Variants in LPP observed in about 807,000 individuals in gnomAD.
LPP encodes lipoma-preferred partner.
LPP carries 38 observed loss-of-function variants against 60.4 expected under a neutral mutation model. The observed-to-expected ratio is 0.63, with a 90% CI of 0.49 to 0.83. The LOEUF (loss-of-function observed/expected upper bound fraction) is 0.83. Ranked by LOEUF, LPP falls within the 40% of genes least tolerant of loss-of-function variation. The pLI is 0.00. For synonymous variants in LPP, 328 were observed against 290.8 expected (o/e 1.13, Z -1.30); for missense variants, 902 against 783.6 (o/e 1.15, Z -1.80).
At chr3:188,604,779 G>A (rs1365401199) in intron 6 of LPP, among the ~76,000 whole-genome samples, 1 of 152,092 alleles carries the variant, frequency 6.6e-6, no homozygotes, top group Non-Finnish European at 1.5e-5. Context: ...AAGCAGCAGG[G>A]AATAAAAAGG....
intron 6 of LPP, among the ~76,000 whole-genome samples, chr3:188,578,663 G>A (rs566002032): frequency 1.5e-3 from 233 of 151,646 alleles, no homozygotes; most frequent in Middle Eastern, 0.01. Flanking sequence ...TTCAACTAAG[G>A]AGACCACATT....
chr3:188,534,827 T>C lies in LPP; in HGVS notation c.429+10040T>C, dbSNP rs116637380. On this transcript the variant is annotated intron_variant, in intron 6 of 11. Coordinates refer to ENST00000617246, the MANE Select transcript of LPP (RefSeq NM_001375462.1). ...GGTGGTTAATAACTCATCCTACATA[T>C]CACAATTTTTCATGGTGAGTAACTG... is the stretch of plus-strand genomic sequence containing the variant. 2.5e-3 allele frequency among the ~76,000 whole-genome samples: 386 copies of C among 152,296 alleles called. 4 individuals carry two copies. The highest frequency in any genetic ancestry group is 8.9e-3 in the African/African-American group (370 of 41,560).
At chr3:188,476,048 A>G (rs1803120317) in intron 4 of LPP, among the ~76,000 whole-genome samples, 1 of 152,102 alleles carries the variant, frequency 6.6e-6, no homozygotes, top group Admixed American at 6.5e-5. Flanking sequence ...TTTTCTTTAA[A>G]ATTGCAACTC....
intron 8 of LPP, among the ~76,000 whole-genome samples, chr3:188,744,622 GA>G (rs1725530951): frequency 6.6e-6 from 1 of 152,078 alleles, no homozygotes; most frequent in Non-Finnish European, 1.5e-5. Flanking sequence ...GGTGGCATAG[GA>G]AAAGGTCAAA....
intron 8 of LPP, among the ~76,000 whole-genome samples, chr3:188,736,286 G>C (rs767311742): frequency 1.3e-5 from 2 of 151,910 alleles, no homozygotes; most frequent in Non-Finnish European, 2.9e-5. Flanking sequence ...GAAAAAATAT[G>C]TAAGAATAAT....
intron 8 of LPP, among the ~76,000 whole-genome samples, chr3:188,727,022 A>G (rs1028156608): frequency 4.6e-5 from 7 of 152,162 alleles, no homozygotes; most frequent in African/African-American, 1.4e-4. Context: ...CGAGCAAGGA[A>G]GTCAGTTATT....
chr3:188,533,954 C>T (rs553142798), intron 6 of LPP, among the ~76,000 whole-genome samples: 3 of 152,122 alleles, frequency 2.0e-5, no homozygotes, highest in Admixed American at 6.5e-5. Flanking sequence ...GCATAATCAA[C>T]GTTAGCTTTA....
intron 6 of LPP, among the ~76,000 whole-genome samples, chr3:188,570,798 G>A (rs925141434): frequency 6.6e-6 from 1 of 151,698 alleles, no homozygotes; most frequent in Non-Finnish European, 1.5e-5. Context: ...TGTATGGTGG[G>A]TGAAAGCCCG....
rs557035973 is a variant in LPP at position 188,610,940 on chromosome 3, AT to A, written c.1113+1098del. Among the ~76,000 whole-genome samples the A allele has an allele frequency of 2.0e-5, 3 of 152,328 alleles. No individual in the cohort carries two copies. Among genetic ancestry groups the A allele is most frequent in the Non-Finnish European group, 4.4e-5 (3 of 68,038 alleles). On this transcript the variant is annotated intron_variant, in intron 7 of 11. Transcript: ENST00000617246. The surrounding 1 kb of genome is among the most constrained non-coding windows in gnomAD (Gnocchi z 4.4). The stretch of plus-strand genomic sequence containing the variant: ...GTTCAATGGTAGTTTTGGGGGATGG[AT>A]TGGGTAGAAGTTTGGACTGTATTTT...
intron 5 of LPP, among the ~76,000 whole-genome samples, chr3:188,509,420 A>C (rs1814542890): frequency 6.6e-6 from 1 of 152,048 alleles, no homozygotes; most frequent in Non-Finnish European, 1.5e-5. Flanking sequence ...TTCTATCTTA[A>C]CCTGGTTAGG....
chr3:188,357,057 G>A (rs980372080), intron 3 of LPP, among the ~76,000 whole-genome samples: 1 of 152,128 alleles, frequency 6.6e-6, no homozygotes, highest in Non-Finnish European at 1.5e-5. Context: ...CCACCACCAT[G>A]GTTCTCTTCG....
At position 188,380,719 on chromosome 3, in the gene LPP, T is replaced by C. The variant is rs139019342; in HGVS notation, c.-9-25393T>C. On this transcript the variant is annotated intron_variant, in intron 3 of 11. Coordinates refer to ENST00000617246, the MANE Select transcript of LPP (RefSeq NM_001375462.1). Reference sequence around the variant, plus strand: ...CCTCCTGAAATTGTTTGCAAAATTATCTTTAATTGTGTGGAGGTGTATTTT... The same window carrying C: ...CCTCCTGAAATTGTTTGCAAAATTACCTTTAATTGTGTGGAGGTGTATTTT... 4.0e-3 allele frequency among the ~76,000 whole-genome samples: 609 copies of C among 152,352 alleles called. 10 individuals carry two copies. Among genetic ancestry groups the C allele is most frequent in the African/African-American group, 0.014 (594 of 41,584 alleles).
chr3:188,753,584 T>TGTGTGC (rs2150352972), intron 8 of LPP, among the ~76,000 whole-genome samples: 1 of 131,716 alleles, frequency 7.6e-6, no homozygotes, highest in African/African-American at 2.8e-5. Context: ...TGTGTGCGTG[T>TGTGTGC]GTGTGTGTGT....
chr3:188,722,883 C>A (rs62291270), intron 8 of LPP, among the ~76,000 whole-genome samples: 9,424 of 152,206 alleles, frequency 0.062, 331 homozygotes, highest in Non-Finnish European at 0.086. Flanking sequence ...TGATTTGTGT[C>A]ATTTATGATT....
At chr3:188,804,446 G>C (rs185159531) in intron 9 of LPP, among the ~76,000 whole-genome samples, 6 of 150,942 alleles carry the variant, frequency 4.0e-5, no homozygotes, top group Admixed American at 4.0e-4. Flanking sequence ...GAAACATATG[G>C]ACATACAGAA....
chr3:188,217,890 C>T lies in LPP; in HGVS notation c.-189-7515C>T, dbSNP rs972825703. 1.5e-4 allele frequency among the ~76,000 whole-genome samples: 23 copies of T among 152,196 alleles called. No individual in the cohort carries two copies. Among genetic ancestry groups the T allele is most frequent in the African/African-American group, 3.4e-4 (14 of 41,444 alleles). On this transcript the variant is annotated intron_variant, in intron 1 of 11. Coordinates refer to ENST00000617246, the MANE Select transcript of LPP (RefSeq NM_001375462.1). The surrounding 1 kb of genome is among the most constrained non-coding windows in gnomAD (Gnocchi z 4.0). ...GCTTCCCAGCTGAGAGCTGTTGGAA[C>T]GCCCCAAAATAAGCCCTGCAGAACG...
chr3:188,708,977 C>A (rs1368473358), intron 8 of LPP: 2 of 152,116 alleles, frequency 1.3e-5, no homozygotes, highest in African/African-American at 4.8e-5. Context: ...GTGTATGTTC[C>A]CATTTCTCAC....
At chr3:188,511,448 G>T (rs1341460102) in intron 5 of LPP, among the ~76,000 whole-genome samples, 3 of 151,894 alleles carry the variant, frequency 2.0e-5, no homozygotes, top group East Asian at 3.9e-4. Context: ...GCAAAAAAGG[G>T]TATTAGAGCT....
intron 2 of LPP, among the ~76,000 whole-genome samples, chr3:188,234,651 C>T (rs749939675): frequency 9.2e-5 from 14 of 152,272 alleles, no homozygotes; most frequent in East Asian, 1.9e-4. Flanking sequence ...CATTCATACA[C>T]GTAGGCTGGC....
Sources: gnomAD v4.1 joint callset for allele counts (sites outside exome capture counted in the v4.1 genomes callset) on GRCh38, gnomAD v4.1.1 for gene constraint, Gnocchi (gnomAD v3.1) non-coding constraint, MANE v1.5 for transcripts, NCBI Gene and HGNC (gene_info 2026-07-23, HGNC 2026-07-21) for gene names.